The following ZNF257 variants were observed in gnomAD, a reference collection of about 807,000 sequenced individuals.
ZNF257 encodes bone marrow zinc finger 4.
A neutral mutation model predicts 11.9 loss-of-function variants in ZNF257; 12 were observed. That is an observed-to-expected ratio of 1.01 (90% CI 0.65 to 1.63). ZNF257 has a LOEUF of 1.63. Ranked by LOEUF, ZNF257 falls within the 40% of genes most tolerant of loss-of-function variation. The pLI is 0.00. For missense variants in ZNF257, 580 were observed against 665.5 expected, an observed-to-expected ratio of 0.87 and a Z score of 1.41; for synonymous variants, 183 against 222.7, an observed-to-expected ratio of 0.82 and a Z score of 1.59.
chr19:22,085,897 T>G (rs2022466740), intron 3 of ZNF257, among the ~76,000 whole-genome samples: 1 of 152,140 alleles, frequency 6.6e-6, no homozygotes, highest in Admixed American at 6.5e-5. Flanking sequence ...AATATTTGGA[T>G]AAAATGCCTA....
intron 3 of ZNF257, chr19:22,074,287 T>C (rs2022176092): frequency 6.6e-6 from 1 of 152,206 alleles, no homozygotes; most frequent in Non-Finnish European, 1.5e-5. Flanking sequence ...CCTAGCTATC[T>C]TATATCTTTC....
Position 22,052,497 on chromosome 19 carries a change from C to T in ZNF257, c.-136C>T. ...GGTTTGGCGGGTACTTTGTCTCTCG[C>T]TCTAGCCCGAGCTGCAGGTCTCGTC... On this transcript the variant is annotated 5_prime_UTR_variant, in exon 1 of 4. Coordinates refer to ENST00000594947, the MANE Select transcript of ZNF257 (RefSeq NM_033468.4). 1 of 1,047,838 alleles carries T rather than the reference C, an allele frequency of 9.5e-7. No homozygotes were observed. The highest frequency in any genetic ancestry group is 1.4e-6 in the Non-Finnish European group (1 of 702,330). 64.9% of individuals were successfully genotyped at this position (1,047,838 alleles called of 1,614,324 possible). A position where few individuals can be genotyped will look rare whatever the true frequency, so the allele number is the denominator to read the frequency against.
rs965825177 is a variant in ZNF257, at chr19:22,089,453, C to A, written c.*11C>A. On this transcript the variant is annotated 3_prime_UTR_variant, in exon 4 of 4. Transcript: ENST00000594947. ...AAACATAATTCATAATGGAGAAAAA[C>A]CCTACAAATGTGAAGAATGTGTCAA... 3 of 1,599,432 alleles carry A rather than the reference C, an allele frequency of 1.9e-6. No homozygotes were observed. Among genetic ancestry groups the A allele is most frequent in the Non-Finnish European group, 2.6e-6 (3 of 1,172,864 alleles).
At chr19:22,070,593 T>C (rs1437955333) in intron 1 of ZNF257, among the ~76,000 whole-genome samples, 1 of 152,108 alleles carries the variant, frequency 6.6e-6, no homozygotes, top group Non-Finnish European at 1.5e-5. Flanking sequence ...GTTTTCTGTT[T>C]CCTCTGTATA....
At chr19:22,078,121 C>T (rs982248879) in intron 3 of ZNF257, among the ~76,000 whole-genome samples, 6 of 151,116 alleles carry the variant, frequency 4.0e-5, no homozygotes, top group African/African-American at 7.3e-5. Flanking sequence ...GCCTGTAGTC[C>T]CAGCTACTCA....
chr19:22,073,281 A>G (rs1234117868), intron 2 of ZNF257, among the ~76,000 whole-genome samples, 188 bp from the exon 3 acceptor site: 1 of 152,094 alleles, frequency 6.6e-6, no homozygotes. Context: ...ATTCAGTAGT[A>G]CTGGGTAGTG....
rs1418776790 is a variant in ZNF257, at chr19:22,091,441, C to T, written c.*1999C>T. The T allele has an allele frequency of 2.9e-5, 3 of 101,948 alleles. No individual in the cohort carries two copies. The highest frequency in any genetic ancestry group is 3.9e-5 in the African/African-American group (1 of 25,320). 6.3% of individuals were successfully genotyped at this position (101,948 alleles called of 1,614,324 possible). ...CGACATTGCACTCCAGCCTAGGCAACAAGAGCAAGACTTCGTCTCAAAAAA... is the reference window on the plus strand; with the variant it reads ...CGACATTGCACTCCAGCCTAGGCAATAAGAGCAAGACTTCGTCTCAAAAAA... On this transcript the variant is annotated 3_prime_UTR_variant, in exon 4 of 4. Transcript: ENST00000594947.
At chr19:22,060,282 G>A (rs1035631600) in intron 1 of ZNF257, among the ~76,000 whole-genome samples, 1 of 152,148 alleles carries the variant, frequency 6.6e-6, no homozygotes, top group Non-Finnish European at 1.5e-5. Flanking sequence ...CAGTGTATAA[G>A]CATTCCTTTT....
In ZNF257 at chr19:22,088,879, T is replaced by G; in HGVS notation, c.1129T>G (p.Cys377Gly). 1 of 1,611,880 alleles carries G rather than the reference T, an allele frequency of 6.2e-7. No individual in the cohort carries two copies. Among genetic ancestry groups the G allele is most frequent in the Admixed American group, 1.7e-5 (1 of 59,896 alleles). Residue 377 changes from cysteine (C) to glycine (G), a missense_variant, in exon 4 of 4, where the codon TGT (cysteine) becomes GGT (glycine). Coordinates refer to ENST00000594947, the MANE Select transcript of ZNF257 (RefSeq NM_033468.4). ...TKEKPYKCEE[C>G]GKAFNRSSHL... ...AGAGAAACCCTACAAATGTGAAGAG[T>G]GTGGAAAAGCCTTTAACCGGTCTTC...
intron 1 of ZNF257, 97 bp from the exon 2 acceptor site, chr19:22,072,712 T>C: frequency 3.5e-6 from 5 of 1,422,794 alleles, no homozygotes; most frequent in Non-Finnish European, 4.8e-6. Context: ...GCAGAACCTG[T>C]TCTCTCTGCT....
intron 1 of ZNF257, among the ~76,000 whole-genome samples, chr19:22,056,256 A>AG (rs1241179533): frequency 6.6e-6 from 1 of 151,974 alleles, no homozygotes; most frequent in Non-Finnish European, 1.5e-5. Context: ...GTTTGAGACT[A>AG]ACCTGGGCAA....
chr19:22,065,079 A>G (rs2021908455), intron 1 of ZNF257, among the ~76,000 whole-genome samples: 2 of 152,280 alleles, frequency 1.3e-5, no homozygotes, highest in Admixed American at 1.3e-4. Flanking sequence ...TATTTTCTAC[A>G]ATAGTATGAA....
Position 22,089,941 on chromosome 19 carries a change from G to A in ZNF257, c.*499G>A, listed in dbSNP as rs9304994. 103,254 of 156,190 alleles carry A rather than the reference G, an allele frequency of 0.66. 34,872 individuals carry two copies. Among genetic ancestry groups the A allele is most frequent in the South Asian group, 0.84 (4,512 of 5,364 alleles). The allele number at this position is 156,190 out of a possible 1,614,324, so 9.7% of individuals were successfully genotyped here. A position where few individuals can be genotyped will look rare whatever the true frequency, so the allele number is the denominator to read the frequency against. ...ACATAAAAAAAAATTATACTAGTGCGAAACTCTAGAAATATAAAGAACATG... is the reference window on the plus strand; with the variant it reads ...ACATAAAAAAAAATTATACTAGTGCAAAACTCTAGAAATATAAAGAACATG... On this transcript the variant is annotated 3_prime_UTR_variant, in exon 4 of 4. Coordinates refer to ENST00000594947, the MANE Select transcript of ZNF257 (RefSeq NM_033468.4).
rs201878358 is a variant in ZNF257 at position 22,088,251 on chromosome 19, T to A, written c.501T>A (p.His167Gln). 1 of 1,612,970 alleles carries A rather than the reference T, an allele frequency of 6.2e-7. No individual in the cohort carries two copies. Among genetic ancestry groups the A allele is most frequent in the South Asian group, 1.1e-5 (1 of 91,004 alleles). ...ATTCAGATAGACATAAGATAAGACATACTGAAAAGAAAACTTGCAAATGTA... is the reference window on the plus strand; with the variant it reads ...ATTCAGATAGACATAAGATAAGACAAACTGAAAAGAAAACTTGCAAATGTA... ...FSNSDRHKIR[H>Q]TEKKTCKCKE... Residue 167 changes from histidine (H) to glutamine (Q), a missense_variant, in exon 4 of 4, where the codon CAT becomes CAA. Coordinates refer to ENST00000594947, the MANE Select transcript of ZNF257 (RefSeq NM_033468.4).
At chr19:22,079,341 T>C (rs766899558) in intron 3 of ZNF257, among the ~76,000 whole-genome samples, 9 of 152,172 alleles carry the variant, frequency 5.9e-5, no homozygotes, top group Admixed American at 2.6e-4. Flanking sequence ...CTGGCTATAG[T>C]TGTAATCAAG....
chr19:22,080,859 TTATATTA>T, intron 3 of ZNF257, among the ~76,000 whole-genome samples: 1 of 148,068 alleles, frequency 6.8e-6, no homozygotes, highest in African/African-American at 2.5e-5. Context: ...AATACATTAA[TTATATTA>T]TATATCTATA....
At chr19:22,056,218 G>A (rs181671533) in intron 1 of ZNF257, among the ~76,000 whole-genome samples, 171 of 152,204 alleles carry the variant, frequency 1.1e-3, no homozygotes, top group African/African-American at 3.8e-3. Flanking sequence ...TTGGGAGGCC[G>A]AGGTGGGTGG....
chr19:22,086,579 A>T (rs1015989724), intron 3 of ZNF257, among the ~76,000 whole-genome samples: 3 of 151,804 alleles, frequency 2.0e-5, no homozygotes, highest in Non-Finnish European at 4.4e-5. Flanking sequence ...AACTTTTTTC[A>T]GCATCTTTGA....
At chr19:22,083,376 C>A (rs530291704) in intron 3 of ZNF257, among the ~76,000 whole-genome samples, 1 of 152,188 alleles carries the variant, frequency 6.6e-6, no homozygotes, top group Admixed American at 6.5e-5. Flanking sequence ...GAAGCCGAGA[C>A]AGGAGAATTG....
Sources: allele counts gnomAD v4.1 joint callset (sites outside exome capture counted in the v4.1 genomes callset), GRCh38; gene constraint gnomAD v4.1.1; transcripts MANE v1.5; gene names NCBI Gene and HGNC (gene_info 2026-07-23, HGNC 2026-07-21).